Variants in GCLC observed in about 807,000 individuals in gnomAD.
GCLC encodes the protein glutamate-cysteine ligase catalytic subunit.
Under a neutral mutation model 81.5 loss-of-function variants are expected in GCLC, and 30 were observed. The observed-to-expected ratio is 0.37, with a 90% CI of 0.28 to 0.50. GCLC has a LOEUF of 0.50. GCLC is among the 20% of genes least tolerant of loss of function. GCLC has a pLI of 0.96. For missense variants in GCLC, 556 were observed against 777.4 expected (o/e 0.72, Z 3.39); for synonymous variants, 262 against 273.3 (o/e 0.96, Z 0.41).
At chr6:53,504,868 G>A (rs1452291257) in intron 12 of GCLC, among the ~76,000 whole-genome samples, 1 of 152,092 alleles carries the variant, frequency 6.6e-6, no homozygotes, top group African/African-American at 2.4e-5. Context: ...AGGAACCCTG[G>A]CCCAGAAACC....
rs776491757 is a variant in GCLC at position 53,498,979 on chromosome 6, G to C, written c.1703-12C>G. 1.9e-6 allele frequency: 3 copies of C among 1,584,396 alleles called. No homozygotes were observed. The highest frequency in any genetic ancestry group is 2.6e-6 in the Non-Finnish European group (3 of 1,155,458). On this transcript the variant is annotated splice_polypyrimidine_tract_variant and intron_variant, in intron 15 of 15. Transcript: ENST00000650454. ...TGTCATTAGTTCTCCTGTGGGCGAG[G>C]GGGGAGCGAAAAAAAAATTAAAACC...
chr6:53,523,831 T>C (rs576587545), intron 1 of GCLC: 6 of 152,270 alleles, frequency 3.9e-5, no homozygotes, highest in East Asian at 3.9e-4. Flanking sequence ...AACAACAAAA[T>C]AAACTTTCAG....
rs1334254954 is a variant in GCLC at position 53,498,020 on chromosome 6, C to A, written c.*736G>T. On this transcript the variant is annotated 3_prime_UTR_variant, in exon 16 of 16. Coordinates refer to ENST00000650454, the MANE Select transcript of GCLC (RefSeq NM_001498.4). ...TTTTTTAGTTAAAAAAAAAAATTGT[C>A]CTTAATAATCACTACATGTGAATTC... is the stretch of plus-strand genomic sequence containing the variant. The A allele has an allele frequency of 6.6e-6, 1 of 152,228 alleles. No individual in the cohort carries two copies. Among genetic ancestry groups the A allele is most frequent in the Non-Finnish European group, 1.5e-5 (1 of 67,970 alleles). The allele number at this position is 152,228 out of a possible 1,614,324, so 9.4% of individuals were successfully genotyped here. A position where few individuals can be genotyped will look rare whatever the true frequency, so the allele number is the denominator to read the frequency against.
chr6:53,538,353 G>T (rs1419705982), intron 1 of GCLC, among the ~76,000 whole-genome samples: 2 of 146,122 alleles, frequency 1.4e-5, no homozygotes, highest in Non-Finnish European at 1.5e-5. Flanking sequence ...TTGAGATGCA[G>T]TCTCGCTCTG....
chr6:53,509,468 A>G (rs1764691878), intron 6 of GCLC: 5 of 597,878 alleles, frequency 8.4e-6, no homozygotes, highest in South Asian at 8.0e-5. Context: ...GACAACTAAT[A>G]TAAATAACCA....
intron 12 of GCLC, among the ~76,000 whole-genome samples, chr6:53,502,114 CTT>C (rs1764524611): frequency 6.6e-6 from 1 of 152,156 alleles, no homozygotes; most frequent in Non-Finnish European, 1.5e-5. Flanking sequence ...ATTATGTCTA[CTT>C]TTGAGAAGTG....
chr6:53,531,279 C>G (rs900894209), intron 1 of GCLC, among the ~76,000 whole-genome samples: 1 of 152,080 alleles, frequency 6.6e-6, no homozygotes, highest in Non-Finnish European at 1.5e-5. Flanking sequence ...AAAAAATAAT[C>G]GTTAATAGGG....
chr6:53,535,399 A>G (rs531554549), intron 1 of GCLC, among the ~76,000 whole-genome samples: 1 of 152,322 alleles, frequency 6.6e-6, no homozygotes, highest in Non-Finnish European at 1.5e-5. Context: ...CTGTGATCCC[A>G]GCTACTTGGG....
At chr6:53,530,503 C>T (rs146979384) in intron 1 of GCLC, among the ~76,000 whole-genome samples, 296 of 152,250 alleles carry the variant, frequency 1.9e-3, no homozygotes, top group African/African-American at 6.7e-3. Context: ...CTGCTACCTG[C>T]TGCCCTGGGA....
At chr6:53,521,157 A>G (rs1255444287) in intron 2 of GCLC, among the ~76,000 whole-genome samples, 197 bp from the exon 3 acceptor site, 3 of 152,026 alleles carry the variant, frequency 2.0e-5, no homozygotes, top group Non-Finnish European at 4.4e-5. Context: ...TGGGTCCAAA[A>G]TGTTTTTTTT....
intron 12 of GCLC, 185 bp from the exon 13 acceptor site, chr6:53,500,698 T>C (rs1764494499): frequency 1.6e-6 from 1 of 617,202 alleles, no homozygotes; most frequent in Non-Finnish European, 2.9e-6. Context: ...CAATCATGGA[T>C]TGGTATGTGA....
At chr6:53,507,718 G>A (rs1025046201) in intron 8 of GCLC, 100 bp from the exon 9 acceptor site, 2 of 511,164 alleles carry the variant, frequency 3.9e-6, no homozygotes, top group African/African-American at 4.0e-5. Context: ...ATAAGATACA[G>A]AAAAAAAGTT....
At chr6:53,503,843 A>C (rs186556143) in intron 12 of GCLC, among the ~76,000 whole-genome samples, 1 of 152,292 alleles carries the variant, frequency 6.6e-6, no homozygotes, top group Non-Finnish European at 1.5e-5. Context: ...GATTTCCATA[A>C]TTTCCATTTC....
chr6:53,522,333 G>T, intron 2 of GCLC, 82 bp downstream of exon 2: 1 of 839,962 alleles, frequency 1.2e-6, no homozygotes, highest in Non-Finnish European at 2.1e-6. Flanking sequence ...AGGCTATCCT[G>T]CCTCCAATAA....
chr6:53,500,175 G>T lies in GCLC; in HGVS notation c.1582-10C>A. ...CAGGAAACACACCTTCCTACAAGAA[G>T]CAGGACACTTTATGAACTCCCTGCC... On this transcript the variant is annotated splice_polypyrimidine_tract_variant and intron_variant, in intron 14 of 15. Coordinates refer to ENST00000650454, the MANE Select transcript of GCLC (RefSeq NM_001498.4). 6.2e-7 allele frequency: 1 copy of T among 1,614,012 alleles called. No homozygotes were observed. The highest frequency in any genetic ancestry group is 1.3e-5 in the African/African-American group (1 of 75,032).
chr6:53,511,900 G>T (rs1169392536), intron 6 of GCLC, among the ~76,000 whole-genome samples: 1 of 7,734 alleles, frequency 1.3e-4, no homozygotes, highest in Non-Finnish European at 2.7e-4. Context: ...ACATGACTTT[G>T]GGGGGGGGGG....
chr6:53,533,975 G>T (rs1980491), intron 1 of GCLC, among the ~76,000 whole-genome samples: 48,432 of 151,680 alleles, frequency 0.32, 8,255 homozygotes, highest in Non-Finnish European at 0.39. Flanking sequence ...TGTATTTTTA[G>T]TAGAGAGGGG....
At chr6:53,509,394 T>A (rs1764690484) in intron 6 of GCLC, 144 bp from the exon 7 acceptor site, 1 of 690,138 alleles carries the variant, frequency 1.4e-6, no homozygotes, top group East Asian at 2.7e-5. Flanking sequence ...AAGAGTTTTG[T>A]TTAAAAGTTG....
intron 2 of GCLC, among the ~76,000 whole-genome samples, chr6:53,521,617 A>G (rs536099390): frequency 1.2e-4 from 19 of 152,242 alleles, no homozygotes; most frequent in Admixed American, 9.2e-4. Flanking sequence ...GTGGAAAATG[A>G]GCAGAGGAGT....
Sources: gnomAD v4.1 joint callset for allele counts (sites outside exome capture counted in the v4.1 genomes callset) on GRCh38, gnomAD v4.1.1 for gene constraint, MANE v1.5 for transcripts, NCBI Gene and HGNC (gene_info 2026-07-23, HGNC 2026-07-21) for gene names.